Variants in ASTN2 observed in about 807,000 individuals in gnomAD.
The protein encoded by ASTN2 is astrotactin-2.
A neutral mutation model predicts 139.8 loss-of-function variants in ASTN2; 54 were observed. That is an observed-to-expected ratio of 0.39 (90% confidence interval 0.31 to 0.48). The LOEUF (loss-of-function observed/expected upper bound fraction) is 0.48, where lower values mean the gene tolerates loss of function less well. Among genes scored for constraint, ASTN2 ranks in the 20% least tolerant of loss-of-function variants. The pLI is 0.95. For synonymous variants in ASTN2, 756 were observed against 719.5 expected (o/e 1.05, Z -0.81); for missense variants, 1,565 against 1,725.1 (o/e 0.91, Z 1.64).
At chr9:116,710,204 C>T (rs1036563684) in intron 16 of ASTN2, among the ~76,000 whole-genome samples, 1 of 152,144 alleles carries the variant, frequency 6.6e-6, no homozygotes, top group Admixed American at 6.5e-5. Context: ...AAGCCAGTCT[C>T]CTTTCCCTGC....
chr9:116,826,944 GAAAGTTTATAGCATTAAATGCCTACATCA>G (rs771189123), intron 11 of ASTN2, among the ~76,000 whole-genome samples: 8 of 152,124 alleles, frequency 5.3e-5, no homozygotes, highest in Non-Finnish European at 1.0e-4. Context: ...GTGCTAAGAG[GAAAGTTTATAGCATTAAATGCCTACATCA>G]AAAAATTATC....
intron 19 of ASTN2, among the ~76,000 whole-genome samples, chr9:116,591,103 A>G (rs578046667): frequency 6.6e-6 from 1 of 152,120 alleles, no homozygotes; most frequent in Admixed American, 6.5e-5. Flanking sequence ...GTTGAAAGAC[A>G]CCCCTTGCTC....
chr9:117,138,341 G>C (rs1312994256), intron 4 of ASTN2, among the ~76,000 whole-genome samples: 1 of 152,092 alleles, frequency 6.6e-6, no homozygotes, highest in East Asian at 1.9e-4. Context: ...GAGAGCAGCT[G>C]GGGGAAAGAA....
At chr9:117,400,078 C>G (rs574752767) in intron 1 of ASTN2, among the ~76,000 whole-genome samples, 1 of 152,338 alleles carries the variant, frequency 6.6e-6, no homozygotes, top group South Asian at 2.1e-4. Context: ...GATTTCTCCT[C>G]TCTCTTGGAG....
At chr9:117,333,073 T>C (rs372202841) in intron 1 of ASTN2, among the ~76,000 whole-genome samples, 6 of 152,156 alleles carry the variant, frequency 3.9e-5, no homozygotes, top group African/African-American at 1.4e-4. Context: ...GTTGCATGTA[T>C]CTGTGAATAT....
chr9:117,117,982 A>G (rs1829442129), intron 4 of ASTN2, among the ~76,000 whole-genome samples: 1 of 152,238 alleles, frequency 6.6e-6, no homozygotes, highest in Non-Finnish European at 1.5e-5. Flanking sequence ...ATATTAAAAA[A>G]ATAAATAAAT....
At chr9:117,090,848 A>C (rs925204138) in intron 5 of ASTN2, among the ~76,000 whole-genome samples, 1 of 152,226 alleles carries the variant, frequency 6.6e-6, no homozygotes, top group Non-Finnish European at 1.5e-5. Context: ...AGAGAGATCT[A>C]TGTACAAACA....
chr9:116,475,882 C>T (rs1188042601), intron 20 of ASTN2, among the ~76,000 whole-genome samples: 1 of 152,204 alleles, frequency 6.6e-6, no homozygotes, highest in Non-Finnish European at 1.5e-5. Flanking sequence ...CCCTGGCCTT[C>T]CACATTCCAG....
rs540099594 is a variant in ASTN2, at chr9:116,451,483, T to C, written c.3498-8930A>G. 5.3e-4 allele frequency among the ~76,000 whole-genome samples: 81 copies of C among 151,894 alleles called. 1 individual carries two copies. The highest frequency in any genetic ancestry group is 9.9e-4 in the Non-Finnish European group (67 of 67,966). On this transcript the variant is annotated intron_variant, in intron 20 of 22. Coordinates refer to ENST00000313400, the MANE Select transcript of ASTN2 (RefSeq NM_001365068.1). Reference sequence around the variant, plus strand: ...AAAAAGAGTGGGGTTTTTGCTGTCATGGAGCTCACAGAAGAGCAGAGAGAT... The same window carrying C: ...AAAAAGAGTGGGGTTTTTGCTGTCACGGAGCTCACAGAAGAGCAGAGAGAT...
At position 116,428,263 on chromosome 9, in the gene ASTN2, T is replaced by C. The variant is rs1046178345; in HGVS notation, c.3783-2175A>G. On this transcript the variant is annotated intron_variant, in intron 22 of 22. Transcript: ENST00000313400. ...AAAGGTGGCCGGGCACGGCGGCTCA[T>C]GCCTGTAATCCCAGCACTTTAGGAG... 2.0e-5 allele frequency among the ~76,000 whole-genome samples: 3 copies of C among 152,308 alleles called. 1 individual carries two copies. The East Asian group carries it at 5.8e-4, about 29-fold the overall frequency.
At chr9:117,248,639 G>C (rs4448358) in intron 2 of ASTN2, among the ~76,000 whole-genome samples, 1 of 152,188 alleles carries the variant, frequency 6.6e-6, no homozygotes, top group Non-Finnish European at 1.5e-5. Context: ...GACAAGACAG[G>C]TCTATGTCAG....
At chr9:117,349,223 A>G (rs1829316758) in intron 1 of ASTN2, among the ~76,000 whole-genome samples, 1 of 152,218 alleles carries the variant, frequency 6.6e-6, no homozygotes, top group Admixed American at 6.5e-5. Context: ...GTCCCTCCCA[A>G]GGAGAGATCA....
chr9:117,089,636 G>A (rs1828653726), intron 5 of ASTN2, among the ~76,000 whole-genome samples: 1 of 151,926 alleles, frequency 6.6e-6, no homozygotes, highest in Non-Finnish European at 1.5e-5. Context: ...CACCTGAGCA[G>A]TATACACTGT....
At position 116,744,520 on chromosome 9, in the gene ASTN2, A is replaced by G. The variant is rs543877922; in HGVS notation, c.2397-10997T>C. On this transcript the variant is annotated intron_variant, in intron 13 of 22. Transcript: ENST00000313400. Reference sequence around the variant, plus strand: ...GGTTTTGCAGTAATCCAGACAAGACATAACCGATTAGATGGACAACAGAAT... The same window carrying G: ...GGTTTTGCAGTAATCCAGACAAGACGTAACCGATTAGATGGACAACAGAAT... Among the ~76,000 whole-genome samples, 7 of 152,276 alleles carry G rather than the reference A, an allele frequency of 4.6e-5. 1 individual carries two copies. In the South Asian group the frequency reaches 1.2e-3, roughly 27 times the overall value.
chr9:117,229,671 T>A (rs1056642924), intron 2 of ASTN2, among the ~76,000 whole-genome samples: 8 of 152,140 alleles, frequency 5.3e-5, no homozygotes, highest in African/African-American at 1.9e-4. Flanking sequence ...AAATAAATGT[T>A]CATGTCACAC....
At chr9:116,764,237 T>C (rs1829747981) in intron 13 of ASTN2, among the ~76,000 whole-genome samples, 1 of 152,166 alleles carries the variant, frequency 6.6e-6, no homozygotes, top group Non-Finnish European at 1.5e-5. Context: ...TGTCAGCCCT[T>C]ATGGGGACTG....
chr9:116,894,921 A>C (rs1833847435), intron 10 of ASTN2, among the ~76,000 whole-genome samples: 1 of 152,148 alleles, frequency 6.6e-6, no homozygotes. Flanking sequence ...GAAGCAACTG[A>C]TTTTCCAAAA....
intron 16 of ASTN2, among the ~76,000 whole-genome samples, chr9:116,688,788 A>G (rs1165133465): frequency 2.6e-5 from 4 of 152,086 alleles, no homozygotes; most frequent in African/African-American, 4.8e-5. Context: ...AATTTATCCT[A>G]TATAAGATCC....
chr9:116,511,925 T>C (rs974174502), intron 19 of ASTN2, among the ~76,000 whole-genome samples: 1 of 152,114 alleles, frequency 6.6e-6, no homozygotes, highest in Non-Finnish European at 1.5e-5. Flanking sequence ...TAGTGGTCTA[T>C]CAATTTTGTT....
Sources: allele counts gnomAD v4.1 joint callset (sites outside exome capture counted in the v4.1 genomes callset), GRCh38; gene constraint gnomAD v4.1.1; transcripts MANE v1.5; gene names NCBI Gene and HGNC (gene_info 2026-07-23, HGNC 2026-07-21).